Variants in ASTN1 observed in about 807,000 individuals in gnomAD.
ASTN1 encodes astrotactin-1.
ASTN1 carries 41 observed loss-of-function variants against 140.7 expected under a neutral mutation model. The observed-to-expected ratio is 0.29, with a 90% CI of 0.23 to 0.38. The LOEUF (loss-of-function observed/expected upper bound fraction) is 0.38. Ranked by LOEUF, ASTN1 falls within the 10% of genes least tolerant of loss-of-function variation. The pLI is 1.00. For missense variants in ASTN1, 1,479 were observed against 1,678.8 expected (o/e 0.88, Z 2.08); for synonymous variants, 640 against 652.2 (o/e 0.98, Z 0.29).
chr1:176,870,683 T>C (rs1026375090), intron 21 of ASTN1, among the ~76,000 whole-genome samples: 1 of 152,216 alleles, frequency 6.6e-6, no homozygotes, highest in African/African-American at 2.4e-5. Context: ...GCAACCAAAC[T>C]TGCAGCCAGC....
At chr1:176,937,710 A>C (rs571698273) in intron 14 of ASTN1, among the ~76,000 whole-genome samples, 27 of 152,178 alleles carry the variant, frequency 1.8e-4, no homozygotes, top group Non-Finnish European at 3.5e-4. Flanking sequence ...GTGTGTACAT[A>C]TTTATATATA....
In ASTN1 at chr1:176,861,830, G is replaced by C; in HGVS notation, c.*2454C>G. 1.0e-6 allele frequency: 1 copy of C among 985,356 alleles called. No homozygotes were observed. The highest frequency in any genetic ancestry group is 1.2e-6 in the Non-Finnish European group (1 of 829,924). The allele number at this position is 985,356 out of a possible 1,614,324, so 61.0% of individuals were successfully genotyped here. A position where few individuals can be genotyped will look rare whatever the true frequency, so the allele number is the denominator to read the frequency against. ...AAAGACAAAGATAAAGAAGGTAGAG[G>C]AACTTGGGAGACTGAGGGAAAGATA... On this transcript the variant is annotated 3_prime_UTR_variant, in exon 23 of 23. Transcript: ENST00000361833.
chr1:177,009,560 T>C (rs1013823330), intron 8 of ASTN1, among the ~76,000 whole-genome samples: 4 of 152,082 alleles, frequency 2.6e-5, no homozygotes, highest in Admixed American at 2.6e-4. Flanking sequence ...GGGTGAGAAG[T>C]AGGAAGAAGT....
chr1:177,141,800 G>A (rs10913291), intron 1 of ASTN1, among the ~76,000 whole-genome samples: 23,504 of 152,116 alleles, frequency 0.15, 3,648 homozygotes, highest in African/African-American at 0.4. Flanking sequence ...GACATTCATT[G>A]GGTCTACTCA....
rs766215403 is a variant in ASTN1 at position 177,023,571 on chromosome 1, C to T, written c.1271G>A (p.Gly424Glu). The change falls in exon 7 of 23, where the codon GGG becomes GAG. Residue 424 changes from glycine (G) to glutamate (E), a missense_variant and splice_region_variant. By Grantham distance (98) the Gly-to-Glu change is moderately conservative. Around this residue, in one of 3 missense-constraint regions of ASTN1, gnomAD observed 729 missense variants for 860.4 expected, o/e 0.85. Transcript: ENST00000361833. ...CCCCTCCAGCAAGATGAAGCGGCTC[C>T]CTGCAGGGTGAGAGAAAGGAAGCAT... ...LHVPEHLIAD[G>E]SRFILLEGSQ... The T allele has an allele frequency of 1.9e-6, 3 of 1,582,960 alleles. No individual in the cohort carries two copies. The highest frequency in any genetic ancestry group is 2.6e-6 in the Non-Finnish European group (3 of 1,168,462).
At chr1:177,105,330 C>A (rs929264045) in intron 1 of ASTN1, among the ~76,000 whole-genome samples, 2 of 152,148 alleles carry the variant, frequency 1.3e-5, no homozygotes, top group African/African-American at 4.8e-5. Flanking sequence ...AGTTTCTTTT[C>A]ACTCCCCATG....
At chr1:177,035,895 C>CT in intron 2 of ASTN1, among the ~76,000 whole-genome samples, 1 of 152,236 alleles carries the variant, frequency 6.6e-6, no homozygotes, top group Non-Finnish European at 1.5e-5. Context: ...GTTCATTTTT[C>CT]TTAAAAACAT....
At chr1:177,081,920 G>T (rs1213614003) in intron 1 of ASTN1, among the ~76,000 whole-genome samples, 1 of 152,138 alleles carries the variant, frequency 6.6e-6, no homozygotes, top group Admixed American at 6.5e-5. Flanking sequence ...GGAGGAATTA[G>T]CAGAGTAAGT....
At chr1:177,107,152 T>G (rs1275671741) in intron 1 of ASTN1, among the ~76,000 whole-genome samples, 1 of 152,040 alleles carries the variant, frequency 6.6e-6, no homozygotes, top group Non-Finnish European at 1.5e-5. Flanking sequence ...ATGTTAGAAA[T>G]GAAGAATCTC....
At position 176,957,684 on chromosome 1, in the gene ASTN1, A is replaced by C. The variant is rs146321797; in HGVS notation, c.1881T>G (p.Gly627=). Residue 627 remains glycine (G), a synonymous_variant, in exon 11 of 23, where the codon GGT becomes GGG. Coordinates refer to ENST00000361833, the MANE Select transcript of ASTN1 (RefSeq NM_004319.3). ...CISDRKLDST[G]CVCPSGLSPM... ...GCTTGCAGGGCAGACCTACCACGCA[A>C]CCAGTGGAGTCCAGCTTGCGATCTG... is the stretch of plus-strand genomic sequence containing the variant. 3.7e-6 allele frequency: 6 copies of C among 1,613,820 alleles called. No individual in the cohort carries two copies. The African/African-American group carries it at 8.0e-5, about 22-fold the overall frequency.
At chr1:176,969,163 C>T (rs1039352219) in intron 8 of ASTN1, among the ~76,000 whole-genome samples, 1 of 151,986 alleles carries the variant, frequency 6.6e-6, no homozygotes, top group Admixed American at 6.5e-5. Flanking sequence ...CGCCTCCCCG[C>T]CAAAAAAAGC....
chr1:177,095,004 G>A (rs1222314225), intron 1 of ASTN1, among the ~76,000 whole-genome samples: 1 of 152,168 alleles, frequency 6.6e-6, no homozygotes, highest in Non-Finnish European at 1.5e-5. Flanking sequence ...GGCAATCCTT[G>A]TCATAAAGCA....
Position 177,107,370 on chromosome 1 carries a change from C to T in ASTN1, c.284-46105G>A, listed in dbSNP as rs562863480. 1.0e-3 allele frequency among the ~76,000 whole-genome samples: 159 copies of T among 152,280 alleles called. 1 individual carries two copies. Among genetic ancestry groups the T allele is most frequent in the African/African-American group, 3.6e-3 (148 of 41,562 alleles). On this transcript the variant is annotated intron_variant, in intron 1 of 22. Coordinates refer to ENST00000361833, the MANE Select transcript of ASTN1 (RefSeq NM_004319.3). ...AACCCAAATTAGAAAAGAAAAAAAGCTGTGCTCAGGATAAATGTGGTGGCA... is the reference window on the plus strand; with the variant it reads ...AACCCAAATTAGAAAAGAAAAAAAGTTGTGCTCAGGATAAATGTGGTGGCA...
intron 8 of ASTN1, among the ~76,000 whole-genome samples, chr1:176,985,142 C>T (rs754369357): frequency 5.3e-5 from 8 of 152,210 alleles, no homozygotes; most frequent in Admixed American, 2.6e-4. Context: ...TCACCTGTTC[C>T]GTGTGCACTG....
In ASTN1 at chr1:177,032,437, G is replaced by T. The variant is rs750413773; in HGVS notation, c.865+19C>A. On this transcript the variant is annotated intron_variant, in intron 3 of 22. Transcript: ENST00000361833. ...GAGATGAAGGACCAAACAGCCCCTT[G>T]CCTTTCTCCCATCCCCACCTGGTGT... 1.2e-6 allele frequency: 2 copies of T among 1,607,318 alleles called. No homozygotes were observed. The highest frequency in any genetic ancestry group is 2.2e-5 in the South Asian group (2 of 89,926).
At chr1:176,888,277 T>A in intron 17 of ASTN1, 73 bp from the exon 18 acceptor site, 1 of 1,560,260 alleles carries the variant, frequency 6.4e-7, no homozygotes, top group East Asian at 2.3e-5. Flanking sequence ...AGAGGCAGAG[T>A]GTCAAGGATC....
intron 1 of ASTN1, among the ~76,000 whole-genome samples, chr1:177,070,842 C>T (rs1380434675): frequency 6.6e-6 from 1 of 152,132 alleles, no homozygotes; most frequent in Admixed American, 6.6e-5. Context: ...CGTTCATTCC[C>T]TCACTTTGCA....
At chr1:177,110,799 G>A (rs1036609056) in intron 1 of ASTN1, among the ~76,000 whole-genome samples, 4 of 152,176 alleles carry the variant, frequency 2.6e-5, no homozygotes, top group Non-Finnish European at 4.4e-5. Context: ...CATACCCTGC[G>A]CTGTTACACC....
At chr1:176,963,913 G>C (rs1672768077) in intron 9 of ASTN1, among the ~76,000 whole-genome samples, 1 of 152,228 alleles carries the variant, frequency 6.6e-6, no homozygotes, top group Non-Finnish European at 1.5e-5. Context: ...ATCCTCAAAA[G>C]CGGCCTGTAG....
Sources: gnomAD v4.1 joint callset for allele counts (sites outside exome capture counted in the v4.1 genomes callset) on GRCh38, gnomAD v4.1.1 for gene constraint, gnomAD v4.1.1 regional missense constraint, MANE v1.5 for transcripts, NCBI Gene and HGNC (gene_info 2026-07-23, HGNC 2026-07-21) for gene names.